Variants in LRP1B observed in about 807,000 individuals in gnomAD.
LRP1B encodes the protein low-density lipoprotein receptor-related protein 1B.
In LRP1B, 217 loss-of-function variants were observed where a neutral mutation model predicts 556.6. The observed-to-expected ratio is 0.39, with a 90% CI of 0.35 to 0.44. The LOEUF (loss-of-function observed/expected upper bound fraction) is 0.44. LRP1B is among the 20% of genes least tolerant of loss of function. The pLI, the probability that LRP1B is intolerant of heterozygous loss-of-function variation, is 1.00. For missense variants in LRP1B, 5,053 were observed against 5,620.8 expected, an observed-to-expected ratio of 0.90 and a Z score of 3.23; for synonymous variants, 2,047 against 1,865.8, an observed-to-expected ratio of 1.10 and a Z score of -2.50.
chr2:141,686,621 C>T (rs1691314306), intron 2 of LRP1B, among the ~76,000 whole-genome samples: 1 of 151,928 alleles, frequency 6.6e-6, no homozygotes, highest in South Asian at 2.1e-4. Flanking sequence ...AAAAGAACTT[C>T]TGCTTTACTC....
intron 84 of LRP1B, among the ~76,000 whole-genome samples, chr2:140,282,471 T>C (rs1682957332): frequency 6.6e-6 from 1 of 151,866 alleles, no homozygotes; most frequent in African/African-American, 2.4e-5. Flanking sequence ...TTATTTTTCA[T>C]ATTTAGTGAT....
chr2:141,470,382 CTGT>C (rs1380055791), intron 3 of LRP1B, among the ~76,000 whole-genome samples: 1 of 152,120 alleles, frequency 6.6e-6, no homozygotes, highest in African/African-American at 2.4e-5. Flanking sequence ...GTTGTTCAGC[CTGT>C]TGTTTGCTCA....
At chr2:141,598,430 C>G (rs12470072) in intron 2 of LRP1B, among the ~76,000 whole-genome samples, 35,616 of 151,976 alleles carry the variant, frequency 0.23, 5,246 homozygotes, top group East Asian at 0.5. Flanking sequence ...ACTTACAGGT[C>G]TTTGAAAAGC....
chr2:142,051,041 G>A (rs546331045), intron 1 of LRP1B, among the ~76,000 whole-genome samples: 2 of 152,008 alleles, frequency 1.3e-5, no homozygotes, highest in South Asian at 2.1e-4. Context: ...GCAGAAAAAT[G>A]TAAGATTGAG....
chr2:141,212,151 CAG>C lies in LRP1B; in HGVS notation c.850+17030_850+17031del, dbSNP rs1682582117. 2.0e-5 allele frequency among the ~76,000 whole-genome samples: 3 copies of C among 146,504 alleles called. No individual in the cohort carries two copies. The East Asian group carries it at 6.3e-4, about 31-fold the overall frequency. ...TAGAAGATGTGCTTAGAATTCTTCA[CAG>C]AGTTTCTTAGGGAATAATATAAAAT... On this transcript the variant is annotated intron_variant, in intron 6 of 90. Transcript: ENST00000389484.
intron 1 of LRP1B, among the ~76,000 whole-genome samples, chr2:141,921,607 A>G (rs1700186387): frequency 6.6e-6 from 1 of 151,772 alleles, no homozygotes; most frequent in East Asian, 1.9e-4. Flanking sequence ...ATTTTTATAA[A>G]TATAAGTTCA....
chr2:141,254,749 A>G (rs1684396312), intron 3 of LRP1B, 108 bp from the exon 4 acceptor site: 5 of 795,444 alleles, frequency 6.3e-6, no homozygotes, highest in Admixed American at 3.6e-5. Context: ...TCTCCCAGAA[A>G]GTTTATATGA....
intron 46 of LRP1B, among the ~76,000 whole-genome samples, chr2:140,536,271 T>C (rs1690963181): frequency 7.3e-6 from 1 of 137,060 alleles, no homozygotes; most frequent in Admixed American, 8.1e-5. Context: ...GCTCAGGAGT[T>C]TGAGACCAGT....
At chr2:140,234,443 T>C (rs1680607242) in intron 90 of LRP1B, among the ~76,000 whole-genome samples, 1 of 151,258 alleles carries the variant, frequency 6.6e-6, no homozygotes, top group South Asian at 2.1e-4. Flanking sequence ...TAAACCACTA[T>C]GAGAGGAAAT....
intron 59 of LRP1B, among the ~76,000 whole-genome samples, chr2:140,478,144 C>CTTTTTTTTTTTTTTTTTTTTTTT (rs35948232): frequency 4.8e-5 from 3 of 62,774 alleles, no homozygotes; most frequent in Admixed American, 2.0e-4. Flanking sequence ...TATAACTTAA[C>CTTTTTTTTTTTTTTTTTTTTTTT]TTTTTTTTTT....
intron 2 of LRP1B, among the ~76,000 whole-genome samples, chr2:141,783,529 A>G (rs1372749918): frequency 6.6e-6 from 1 of 152,102 alleles, no homozygotes. Flanking sequence ...TATTCCTAAC[A>G]TAACTACAAC....
At chr2:140,862,398 C>T (rs968732035) in intron 27 of LRP1B, among the ~76,000 whole-genome samples, 1 of 152,184 alleles carries the variant, frequency 6.6e-6, no homozygotes, top group African/African-American at 2.4e-5. Flanking sequence ...ACTGCTTTCA[C>T]ATTACAACTG....
intron 1 of LRP1B, among the ~76,000 whole-genome samples, chr2:142,069,358 ATAAT>A (rs1035462864): frequency 6.6e-6 from 1 of 151,616 alleles, no homozygotes; most frequent in Non-Finnish European, 1.5e-5. Flanking sequence ...TAAATCACTG[ATAAT>A]TAATGTGATG....
At chr2:142,094,994 G>A (rs192294631) in intron 1 of LRP1B, among the ~76,000 whole-genome samples, 1 of 151,862 alleles carries the variant, frequency 6.6e-6, no homozygotes, top group African/African-American at 2.4e-5. Context: ...AATATTTGTA[G>A]CATCTATGTG....
chr2:140,256,676 C>T (rs1193179611), intron 86 of LRP1B, among the ~76,000 whole-genome samples: 1 of 151,092 alleles, frequency 6.6e-6, no homozygotes, highest in African/African-American at 2.4e-5. Flanking sequence ...AGCATGTTGG[C>T]TAGGATGGTC....
intron 31 of LRP1B, among the ~76,000 whole-genome samples, chr2:140,825,690 G>T (rs183493418): frequency 1.1e-4 from 16 of 152,088 alleles, no homozygotes; most frequent in Admixed American, 1.0e-3. Flanking sequence ...TAAAAAGAAG[G>T]ATCAATTGTG....
intron 35 of LRP1B, among the ~76,000 whole-genome samples, chr2:140,719,947 A>G (rs1163131019): frequency 6.6e-6 from 1 of 152,082 alleles, no homozygotes; most frequent in African/African-American, 2.4e-5. Flanking sequence ...ATGTTTTCTA[A>G]TATCTTGGAG....
At chr2:140,783,143 A>G (rs1183012506) in intron 32 of LRP1B, among the ~76,000 whole-genome samples, 2 of 152,100 alleles carry the variant, frequency 1.3e-5, no homozygotes, top group Non-Finnish European at 2.9e-5. Context: ...TAGAATTATA[A>G]TTATTACATT....
At chr2:141,988,363 T>C (rs1473533555) in intron 1 of LRP1B, among the ~76,000 whole-genome samples, 3 of 151,862 alleles carry the variant, frequency 2.0e-5, no homozygotes, top group African/African-American at 7.2e-5. Context: ...AAGCAGTAGT[T>C]GGCAACTTAT....
Sources: allele counts gnomAD v4.1 joint callset (sites outside exome capture counted in the v4.1 genomes callset), GRCh38; gene constraint gnomAD v4.1.1; transcripts MANE v1.5; gene names NCBI Gene and HGNC (gene_info 2026-07-23, HGNC 2026-07-21).